ICA1: variants seen among roughly 807,000 people sequenced by gnomAD.
ICA1 encodes islet cell autoantigen 1.
A neutral mutation model predicts 71.0 loss-of-function variants in ICA1; 40 were observed. The ratio of observed to expected loss-of-function variants is 0.56; its 90% CI spans 0.44 to 0.73. The LOEUF (loss-of-function observed/expected upper bound fraction) is 0.73. ICA1 is among the 30% of genes least tolerant of loss of function. The pLI is 0.00. For missense variants in ICA1, 578 were observed against 576.5 expected, an observed-to-expected ratio of 1.00 and a Z score of -0.03; for synonymous variants, 207 against 209.5, an observed-to-expected ratio of 0.99 and a Z score of 0.10.
chr7:8,249,030 C>T (rs3807812), intron 1 of ICA1, among the ~76,000 whole-genome samples: 48,062 of 152,104 alleles, frequency 0.32, 8,095 homozygotes, highest in East Asian at 0.45. Context: ...TCTTTAAAAT[C>T]AAACTTCAGT....
chr7:8,201,842 AG>A (rs1431450214), intron 6 of ICA1, among the ~76,000 whole-genome samples: 1 of 152,172 alleles, frequency 6.6e-6, no homozygotes, highest in East Asian at 1.9e-4. Context: ...CAGAGGAAGG[AG>A]GCTGAGGATT....
chr7:8,121,415 A>C (rs1324434738), intron 13 of ICA1, among the ~76,000 whole-genome samples: 2 of 152,218 alleles, frequency 1.3e-5, no homozygotes, highest in African/African-American at 4.8e-5. Flanking sequence ...AAGAGACAGA[A>C]AATGGAATCA....
intron 6 of ICA1, among the ~76,000 whole-genome samples, chr7:8,174,061 G>C (rs564552993): frequency 5.8e-4 from 88 of 152,218 alleles, no homozygotes; most frequent in Admixed American, 2.2e-3. Flanking sequence ...GGTGATATTG[G>C]AGCAGAGACC....
Position 8,195,633 on chromosome 7 carries a change from T to C in ICA1, c.579+22672A>G, listed in dbSNP as rs573605298. ...ACAGTTTGACAGTTTCTTATAAAAC[T>C]AAAGTTCTTACCATATGATCTAGCA... On this transcript the variant is annotated intron_variant, in intron 6 of 13. Transcript: ENST00000402384. 4.6e-5 allele frequency among the ~76,000 whole-genome samples: 7 copies of C among 152,216 alleles called. No homozygotes were observed. In the South Asian group the frequency reaches 1.5e-3, roughly 32 times the overall value.
intron 6 of ICA1, among the ~76,000 whole-genome samples, chr7:8,177,910 T>C (rs1393068793): frequency 6.6e-6 from 1 of 152,164 alleles, no homozygotes; most frequent in African/African-American, 2.4e-5. Flanking sequence ...TTGATATCGG[T>C]GTTCAGAAGC....
chr7:8,238,340 T>C (rs1396934681), intron 1 of ICA1, among the ~76,000 whole-genome samples: 2 of 152,210 alleles, frequency 1.3e-5, no homozygotes, highest in Non-Finnish European at 2.9e-5. Context: ...ATCCGAAGCA[T>C]TGTGAGGTGA....
At chr7:8,125,037 C>A (rs1234549025) in intron 13 of ICA1, among the ~76,000 whole-genome samples, 3 of 152,170 alleles carry the variant, frequency 2.0e-5, no homozygotes, top group Admixed American at 6.5e-5. Context: ...CATCTGCCCA[C>A]CTCCGCCTCC....
chr7:8,141,766 C>A lies in ICA1; in HGVS notation c.954G>T (p.Lys318Asn), dbSNP rs1315385883. Residue 318 changes from lysine (K) to asparagine (N), a missense_variant and splice_region_variant, in exon 10 of 14, where the codon AAG (lysine) becomes AAT (asparagine). Lys to Asn is a moderately conservative substitution (Grantham distance 94, BLOSUM62 0). Coordinates refer to ENST00000402384, the MANE Select transcript of ICA1 (RefSeq NM_001136020.3). ...ENQRKESSSF[K>N]TEDGKSILSA... ...TTCTAAATAAAAATCAAAACTTACTCTTAAAACTAGAGGATTCCTTGCGCT... is the reference window on the plus strand; with the variant it reads ...TTCTAAATAAAAATCAAAACTTACTATTAAAACTAGAGGATTCCTTGCGCT... 3.2e-6 allele frequency: 5 copies of A among 1,542,960 alleles called. No homozygotes were observed. Among genetic ancestry groups the A allele is most frequent in the Non-Finnish European group, 4.4e-6 (5 of 1,126,000 alleles).
intron 6 of ICA1, among the ~76,000 whole-genome samples, chr7:8,174,164 T>C (rs1352433487): frequency 6.6e-6 from 1 of 152,172 alleles, no homozygotes; most frequent in Non-Finnish European, 1.5e-5. Context: ...GAATGGAGTA[T>C]GCGTGGCTTG....
chr7:8,157,138 G>A lies in ICA1; in HGVS notation c.782C>T (p.Pro261Leu), dbSNP rs1167919254. Reference protein sequence around the residue: ...AIHESFKGYQPYEFTTLKSLQ... With the variant: ...AIHESFKGYQLYEFTTLKSLQ... ...TACCTTTAAAGTAGTAAATTCATAT[G>A]GTTGATAACCTTTGAAACTCTCATG... The change falls in exon 8 of 14, where the codon CCA becomes CTA. Residue 261 changes from proline to leucine, a missense_variant. Transcript: ENST00000402384. 8.1e-6 allele frequency: 13 copies of A among 1,613,974 alleles called. No homozygotes were observed. Among genetic ancestry groups the A allele is most frequent in the East Asian group, 2.2e-5 (1 of 44,872 alleles).
At chr7:8,242,405 C>T (rs1008169108) in intron 1 of ICA1, among the ~76,000 whole-genome samples, 17 of 152,186 alleles carry the variant, frequency 1.1e-4, no homozygotes, top group Non-Finnish European at 2.5e-4. Flanking sequence ...CTCTGGGACA[C>T]ATTTAAAGCA....
chr7:8,248,410 AT>A (rs982986142), intron 1 of ICA1, among the ~76,000 whole-genome samples: 10 of 152,096 alleles, frequency 6.6e-5, no homozygotes, highest in East Asian at 3.9e-4. Context: ...GTAGGGGGCC[AT>A]TTTTTCCCCC....
chr7:8,227,969 G>A, intron 4 of ICA1: 1 of 328,852 alleles, frequency 3.0e-6, no homozygotes, highest in South Asian at 2.5e-5. Flanking sequence ...AAGGGGTTTG[G>A]CAGCAGTCAG....
At chr7:8,251,895 C>T (rs1023512504) in intron 1 of ICA1, among the ~76,000 whole-genome samples, 1 of 152,160 alleles carries the variant, frequency 6.6e-6, no homozygotes. Context: ...CTAGGTCTTG[C>T]TCCTCTTTCT....
chr7:8,162,550 T>C (rs1040412032), intron 6 of ICA1, among the ~76,000 whole-genome samples: 1 of 152,234 alleles, frequency 6.6e-6, no homozygotes, highest in African/African-American at 2.4e-5. Flanking sequence ...TCTAATTTCA[T>C]ATGCCTCCAG....
Position 8,158,183 on chromosome 7 carries a change from G to C in ICA1, c.705+344C>G, listed in dbSNP as rs867918855. 3.4e-5 allele frequency: 8 copies of C among 234,714 alleles called. No homozygotes were observed. The East Asian group carries it at 4.3e-4, about 13-fold the overall frequency. The allele number at this position is 234,714 out of a possible 1,614,324, so 14.5% of individuals were successfully genotyped here. The stretch of plus-strand genomic sequence containing the variant: ...ACGAGATGGACAGACACAACGCTAA[G>C]TGAGTTCAGAGGAGGCTTACTGAAA... On this transcript the variant is annotated intron_variant, in intron 7 of 13. Transcript: ENST00000402384.
chr7:8,174,488 C>A (rs1308991124), intron 6 of ICA1, among the ~76,000 whole-genome samples: 3 of 151,754 alleles, frequency 2.0e-5, no homozygotes, highest in Non-Finnish European at 4.4e-5. Context: ...GAATTTCCCC[C>A]AAGATGGCAA....
chr7:8,236,982 A>G (rs1554372523), intron 1 of ICA1: 1 of 152,208 alleles, frequency 6.6e-6, no homozygotes, highest in Non-Finnish European at 1.5e-5. Context: ...GGCAACCAGT[A>G]CTCCTAAAGT....
At chr7:8,254,811 G>A (rs1809493880) in intron 1 of ICA1, among the ~76,000 whole-genome samples, 1 of 152,074 alleles carries the variant, frequency 6.6e-6, no homozygotes, top group Admixed American at 6.6e-5. Flanking sequence ...TCACAATGAT[G>A]CCAATGCTGC....
Sources: gnomAD v4.1 joint callset for allele counts (sites outside exome capture counted in the v4.1 genomes callset) on GRCh38, gnomAD v4.1.1 for gene constraint, MANE v1.5 for transcripts, NCBI Gene and HGNC (gene_info 2026-07-23, HGNC 2026-07-21) for gene names.